PCDHA8: variants seen among roughly 807,000 people sequenced by gnomAD.
PCDHA8 encodes protocadherin alpha 8, also known as protocadherin alpha-8.
In PCDHA8, 53 loss-of-function variants were observed where a neutral mutation model predicts 61.8. The ratio of observed to expected loss-of-function variants is 0.86; its 90% CI spans 0.69 to 1.08. PCDHA8 has a LOEUF of 1.08. PCDHA8 is among the 50% of genes least tolerant of loss of function. PCDHA8 has a pLI of 0.00. For synonymous variants in PCDHA8, 618 were observed against 556.6 expected (o/e 1.11, Z -1.55); for missense variants, 1,293 against 1,245.0 (o/e 1.04, Z -0.58).
At chr5:140,958,104 T>C (rs1554223331) in intron 1 of PCDHA8, among the ~76,000 whole-genome samples, 1 of 151,916 alleles carries the variant, frequency 6.6e-6, no homozygotes, top group Admixed American at 6.6e-5. Flanking sequence ...GTGTGTAGAG[T>C]GTGGTTCCAT....
At chr5:140,978,485 A>G (rs992352505) in intron 1 of PCDHA8, among the ~76,000 whole-genome samples, 2 of 152,264 alleles carry the variant, frequency 1.3e-5, no homozygotes, top group Admixed American at 1.3e-4. Flanking sequence ...CAGTCTGCAA[A>G]GCCAGCAGCA....
At chr5:140,882,049 T>G in intron 1 of PCDHA8, 2 of 752,814 alleles carry the variant, frequency 2.7e-6, no homozygotes, top group Non-Finnish European at 4.1e-6. Context: ...TGAGTCATAC[T>G]TACACTTACA....
intron 3 of PCDHA8, among the ~76,000 whole-genome samples, chr5:140,993,462 T>TCTCACA (rs1235362335): frequency 7.1e-6 from 1 of 140,938 alleles, no homozygotes; most frequent in Non-Finnish European, 1.5e-5. Flanking sequence ...TCTTTCTTTC[T>TCTCACA]CACACACACA....
intron 1 of PCDHA8, chr5:140,967,384 G>A (rs1422023127): frequency 2.5e-6 from 4 of 1,609,080 alleles, no homozygotes; most frequent in Non-Finnish European, 3.4e-6. Flanking sequence ...ACAGTAAAGT[G>A]CTTGAGCTGG....
intron 2 of PCDHA8, chr5:140,982,242 AAAG>A (rs2096973421): frequency 2.9e-6 from 2 of 701,584 alleles, no homozygotes; most frequent in African/African-American, 3.6e-5. Flanking sequence ...GAATTGCCAT[AAAG>A]ATAGAACATG....
chr5:140,870,198 C>G, intron 1 of PCDHA8: 1 of 1,614,172 alleles, frequency 6.2e-7, no homozygotes, highest in Non-Finnish European at 8.5e-7. Context: ...CTCAGCCCAG[C>G]ACGGTCATTG....
intron 1 of PCDHA8, chr5:140,870,827 C>T (rs782048793): frequency 8.1e-6 from 13 of 1,613,648 alleles, no homozygotes; most frequent in Non-Finnish European, 9.3e-6. Context: ...GCGGGAGGCG[C>T]AGTTAACAAG....
At chr5:140,982,878 C>T (rs2097013352) in intron 3 of PCDHA8, among the ~76,000 whole-genome samples, 1 of 151,992 alleles carries the variant, frequency 6.6e-6, no homozygotes, top group South Asian at 2.1e-4. Flanking sequence ...TCATCCAAGC[C>T]ATGCAGAGAA....
intron 1 of PCDHA8, chr5:140,876,310 G>A: frequency 6.2e-7 from 1 of 1,613,982 alleles, no homozygotes. Flanking sequence ...AATTTCCTAT[G>A]GGATCAAAAT....
At chr5:140,948,098 AT>A (rs1400798416) in intron 1 of PCDHA8, among the ~76,000 whole-genome samples, 2 of 151,502 alleles carry the variant, frequency 1.3e-5, no homozygotes, top group African/African-American at 4.8e-5. Flanking sequence ...TGAGCATATG[AT>A]TTTTCTTCGT....
chr5:140,956,979 A>C (rs2153711830), intron 1 of PCDHA8, among the ~76,000 whole-genome samples: 1 of 152,346 alleles, frequency 6.6e-6, no homozygotes, highest in South Asian at 2.1e-4. Context: ...AATTTAAGTA[A>C]AATAAATTCA....
chr5:140,848,506 C>A (rs1229499943), intron 1 of PCDHA8: 1 of 1,588,430 alleles, frequency 6.3e-7, no homozygotes. Context: ...ATGTTATACT[C>A]AAGTCGAGGA....
chr5:140,982,538 G>C lies in PCDHA8; in HGVS notation c.2517G>C (p.Trp839Cys), dbSNP rs782094765. The change falls in exon 3 of 4, where the codon TGG becomes TGC. Residue 839 changes from tryptophan to cysteine, a missense_variant. Coordinates refer to ENST00000531613, the MANE Select transcript of PCDHA8 (RefSeq NM_018911.3). ...GTCCAGGAGGGCCTGATCAGCAGTG[G>C]CCAACAGTATCCAGTGCAACACCAG... ...RAGPGGPDQQ[W>C]PTVSSATPEP... 1 of 1,614,166 alleles carries C rather than the reference G, an allele frequency of 6.2e-7. No individual in the cohort carries two copies.
chr5:140,877,609 C>T (rs1554169925), intron 1 of PCDHA8: 4 of 1,613,876 alleles, frequency 2.5e-6, no homozygotes, highest in Middle Eastern at 1.7e-4. Flanking sequence ...CCTGCTGGTG[C>T]TCACGCTGCT....
intron 1 of PCDHA8, among the ~76,000 whole-genome samples, chr5:140,937,632 G>T (rs1228752133): frequency 1.3e-5 from 2 of 150,132 alleles, no homozygotes; most frequent in Admixed American, 1.3e-4. Flanking sequence ...AAAAAGAAAG[G>T]CAGGGCATGG....
chr5:141,004,750 C>T (rs1205050665), intron 3 of PCDHA8, among the ~76,000 whole-genome samples: 1 of 152,112 alleles, frequency 6.6e-6, no homozygotes, highest in Non-Finnish European at 1.5e-5. Flanking sequence ...GTCTCAGTCT[C>T]TTAGAGACAG....
At chr5:140,906,719 T>C (rs1282384270) in intron 1 of PCDHA8, among the ~76,000 whole-genome samples, 1 of 152,218 alleles carries the variant, frequency 6.6e-6, no homozygotes, top group East Asian at 1.9e-4. Flanking sequence ...GCCTGGATTG[T>C]GCTGTTGTAG....
intron 1 of PCDHA8, among the ~76,000 whole-genome samples, chr5:140,879,397 G>A (rs973374921): frequency 6.6e-6 from 1 of 152,188 alleles, no homozygotes; most frequent in Non-Finnish European, 1.5e-5. Context: ...AACAGTTTGT[G>A]TGTATTTGAG....
intron 3 of PCDHA8, among the ~76,000 whole-genome samples, chr5:140,998,715 C>T (rs535565356): frequency 2.6e-5 from 4 of 152,236 alleles, no homozygotes; most frequent in African/African-American, 9.6e-5. Flanking sequence ...CAAGCTTGCA[C>T]CACCACGCTA....
Sources: allele counts gnomAD v4.1 joint callset (sites outside exome capture counted in the v4.1 genomes callset), GRCh38; gene constraint gnomAD v4.1.1; transcripts MANE v1.5; gene names NCBI Gene and HGNC (gene_info 2026-07-23, HGNC 2026-07-21).